The following CNTNAP2 variants were observed in gnomAD, a reference collection of about 807,000 sequenced individuals.
CNTNAP2 encodes contactin-associated protein-like 2.
Under a neutral mutation model 155.2 loss-of-function variants are expected in CNTNAP2, and 98 were observed. The observed-to-expected ratio is 0.63, with a 90% CI of 0.54 to 0.75. The LOEUF is 0.75. Ranked by LOEUF, CNTNAP2 falls within the 30% of genes least tolerant of loss-of-function variation. The pLI, the probability that CNTNAP2 is intolerant of heterozygous loss-of-function variation, is 0.00. For synonymous variants in CNTNAP2, 651 were observed against 631.2 expected (o/e 1.03, Z -0.47); for missense variants, 1,727 against 1,688.1 (o/e 1.02, Z -0.40).
intron 9 of CNTNAP2, among the ~76,000 whole-genome samples, chr7:147,341,090 G>GTGTGTA (rs143428303): frequency 0.16 from 22,098 of 140,090 alleles, 1,840 homozygotes; most frequent in East Asian, 0.33. Context: ...GTGTGTGTGT[G>GTGTGTA]TATATATATA....
chr7:148,407,037 A>T (rs6464882), intron 22 of CNTNAP2, among the ~76,000 whole-genome samples: 86,099 of 152,040 alleles, frequency 0.57, 25,016 homozygotes, highest in African/African-American at 0.64. Context: ...GCACTTGGAA[A>T]GAAGTCTGAC....
intron 2 of CNTNAP2, among the ~76,000 whole-genome samples, chr7:146,824,217 C>A (rs2129197046): frequency 6.6e-6 from 1 of 152,266 alleles, no homozygotes; most frequent in South Asian, 2.1e-4. Flanking sequence ...GACATGAACT[C>A]ATTCTTTTTT....
chr7:147,351,078 A>C (rs1403630798), intron 9 of CNTNAP2, among the ~76,000 whole-genome samples: 1 of 151,816 alleles, frequency 6.6e-6, no homozygotes, highest in Non-Finnish European at 1.5e-5. Context: ...GTCAGTGATT[A>C]TCTTTGGCTC....
At chr7:146,688,600 G>A (rs1329153703) in intron 1 of CNTNAP2, among the ~76,000 whole-genome samples, 1 of 152,112 alleles carries the variant, frequency 6.6e-6, no homozygotes, top group Admixed American at 6.6e-5. Flanking sequence ...AAATTGATCA[G>A]TTGAGGTGGG....
intron 2 of CNTNAP2, among the ~76,000 whole-genome samples, chr7:146,821,856 A>G (rs1335059399): frequency 5.9e-5 from 9 of 151,362 alleles, no homozygotes; most frequent in African/African-American, 9.8e-5. Flanking sequence ...AAATAGGAAC[A>G]CTTTTACACT....
chr7:147,350,827 C>A (rs1179895700), intron 9 of CNTNAP2, among the ~76,000 whole-genome samples: 2 of 151,720 alleles, frequency 1.3e-5, no homozygotes, highest in Non-Finnish European at 1.5e-5. Flanking sequence ...GTGCCTGGAC[C>A]AAAGCATTTT....
intron 13 of CNTNAP2, among the ~76,000 whole-genome samples, chr7:147,786,905 G>T (rs191840059): frequency 6.6e-6 from 1 of 152,008 alleles, no homozygotes; most frequent in African/African-American, 2.4e-5. Flanking sequence ...GGATTTCAAG[G>T]CTGCAGTGAG....
chr7:147,504,154 T>A (rs1373257398), intron 11 of CNTNAP2, among the ~76,000 whole-genome samples: 2 of 152,086 alleles, frequency 1.3e-5, no homozygotes, highest in African/African-American at 4.8e-5. Context: ...GGGAAGTGGT[T>A]CTGAGAAGTT....
chr7:148,172,708 T>C (rs1281367272), intron 18 of CNTNAP2, among the ~76,000 whole-genome samples: 1 of 152,206 alleles, frequency 6.6e-6, no homozygotes, highest in Non-Finnish European at 1.5e-5. Flanking sequence ...TTCCAGATTC[T>C]AGCAAATTAT....
At chr7:147,482,865 G>T (rs566931247) in intron 10 of CNTNAP2, among the ~76,000 whole-genome samples, 1 of 152,098 alleles carries the variant, frequency 6.6e-6, no homozygotes, top group African/African-American at 2.4e-5. Context: ...GACCAACATG[G>T]TGAAACCCTG....
At chr7:146,269,992 A>C (rs1435876521) in intron 1 of CNTNAP2, among the ~76,000 whole-genome samples, 1 of 152,076 alleles carries the variant, frequency 6.6e-6, no homozygotes, top group Non-Finnish European at 1.5e-5. Context: ...ACATGTCATC[A>C]CTCAGGACTT....
chr7:146,630,560 C>A (rs1799494265), intron 1 of CNTNAP2, among the ~76,000 whole-genome samples: 1 of 152,162 alleles, frequency 6.6e-6, no homozygotes, highest in Admixed American at 6.6e-5. Flanking sequence ...ACCACACTGT[C>A]TTCCACAATG....
At chr7:146,517,708 G>A (rs374927192) in intron 1 of CNTNAP2, among the ~76,000 whole-genome samples, 1 of 151,826 alleles carries the variant, frequency 6.6e-6, no homozygotes, top group East Asian at 1.9e-4. Context: ...TGTCTGATGG[G>A]CATTAATGGA....
intron 13 of CNTNAP2, among the ~76,000 whole-genome samples, chr7:147,647,411 A>G (rs1486821643): frequency 6.6e-6 from 1 of 152,154 alleles, no homozygotes; most frequent in African/African-American, 2.4e-5. Flanking sequence ...GGTAAGCAAA[A>G]AAATAAAATA....
intron 13 of CNTNAP2, among the ~76,000 whole-genome samples, chr7:147,646,803 G>C (rs568101886): frequency 3.3e-5 from 5 of 152,338 alleles, no homozygotes; most frequent in Middle Eastern, 3.4e-3. Context: ...AACTTTAGAA[G>C]AGGACAAAGT....
At chr7:146,969,769 A>C (rs1287514270) in intron 3 of CNTNAP2, among the ~76,000 whole-genome samples, 2 of 152,172 alleles carry the variant, frequency 1.3e-5, no homozygotes, top group Non-Finnish European at 2.9e-5. Context: ...CTAAGCCAAA[A>C]GAACACAGCT....
chr7:146,612,086 GACA>G (rs1230372702), intron 1 of CNTNAP2, among the ~76,000 whole-genome samples: 2 of 152,014 alleles, frequency 1.3e-5, no homozygotes, highest in African/African-American at 4.8e-5. Context: ...TATTTAAATT[GACA>G]ACAATAGGAC....
At chr7:147,204,983 C>A (rs773787781) in intron 8 of CNTNAP2, among the ~76,000 whole-genome samples, 3 of 152,006 alleles carry the variant, frequency 2.0e-5, no homozygotes, top group Non-Finnish European at 2.9e-5. Flanking sequence ...TTCCATTGGT[C>A]TCTGTGTCTG....
At chr7:146,675,903 T>G (rs1800390398) in intron 1 of CNTNAP2, among the ~76,000 whole-genome samples, 1 of 152,182 alleles carries the variant, frequency 6.6e-6, no homozygotes, top group Non-Finnish European at 1.5e-5. Context: ...TAAGTAGAAT[T>G]TCATAACCCA....
Sources: gnomAD v4.1 joint callset for allele counts (sites outside exome capture counted in the v4.1 genomes callset) on GRCh38, gnomAD v4.1.1 for gene constraint, MANE v1.5 for transcripts, NCBI Gene and HGNC (gene_info 2026-07-23, HGNC 2026-07-21) for gene names.